The following MAGI1 variants were observed in gnomAD, a reference collection of about 807,000 sequenced individuals.
The protein encoded by MAGI1 is membrane-associated guanylate kinase, WW and PDZ domain-containing protein 1.
MAGI1 carries 58 observed loss-of-function variants against 139.9 expected under a neutral mutation model. The observed-to-expected ratio is 0.41, with a 90% confidence interval of 0.34 to 0.52. MAGI1 has a LOEUF of 0.52. Among genes scored for constraint, MAGI1 ranks in the 20% least tolerant of loss-of-function variants. The pLI is 0.12. For missense variants in MAGI1, 1,874 were observed against 1,901.6 expected (o/e 0.99, Z 0.27); for synonymous variants, 812 against 737.9 (o/e 1.10, Z -1.63).
At chr3:65,433,065 A>T (rs1337706907) in intron 10 of MAGI1, among the ~76,000 whole-genome samples, 1 of 152,078 alleles carries the variant, frequency 6.6e-6, no homozygotes, top group Non-Finnish European at 1.5e-5. Context: ...ATTGATATGC[A>T]GGTACATAAA....
At chr3:65,487,052 C>T (rs1951682396) in intron 3 of MAGI1, among the ~76,000 whole-genome samples, 1 of 152,156 alleles carries the variant, frequency 6.6e-6, no homozygotes, top group South Asian at 2.1e-4. Flanking sequence ...ACCACCATCA[C>T]CAACGTGGTT....
At chr3:65,630,869 A>G (rs1050190390) in intron 1 of MAGI1, among the ~76,000 whole-genome samples, 1 of 152,174 alleles carries the variant, frequency 6.6e-6, no homozygotes, top group African/African-American at 2.4e-5. Context: ...AATTTTTAAA[A>G]AGAGAGAGAG....
intron 2 of MAGI1, among the ~76,000 whole-genome samples, chr3:65,510,625 G>A (rs2077539142): frequency 1.8e-5 from 2 of 110,448 alleles, no homozygotes; most frequent in African/African-American, 3.5e-5. Flanking sequence ...AAAGAAATGA[G>A]CAAAGCCTCC....
At chr3:66,021,624 C>CCT in intron 1 of MAGI1, among the ~76,000 whole-genome samples, 1 of 152,234 alleles carries the variant, frequency 6.6e-6, no homozygotes, top group Middle Eastern at 3.4e-3. Flanking sequence ...AGCCAGAGCA[C>CCT]CTTTAAACAC....
At chr3:65,656,295 T>C (rs1018473483) in intron 1 of MAGI1, among the ~76,000 whole-genome samples, 5 of 152,316 alleles carry the variant, frequency 3.3e-5, no homozygotes, top group Admixed American at 2.0e-4. Context: ...CAGTTTACTG[T>C]CTCTTAAGCT....
chr3:65,855,122 G>A (rs899325755), intron 1 of MAGI1, among the ~76,000 whole-genome samples: 2 of 152,244 alleles, frequency 1.3e-5, no homozygotes, highest in African/African-American at 4.8e-5. Flanking sequence ...GGGGGCGGGG[G>A]TGAGTTTACA....
intron 2 of MAGI1, among the ~76,000 whole-genome samples, chr3:65,495,317 T>C (rs559704546): frequency 3.3e-5 from 5 of 152,318 alleles, no homozygotes; most frequent in South Asian, 4.1e-4. Context: ...ATAATCCTTT[T>C]TGAGGGCTTT....
At chr3:65,864,225 G>A (rs138881967) in intron 1 of MAGI1, among the ~76,000 whole-genome samples, 1,734 of 152,192 alleles carry the variant, frequency 0.011, 16 homozygotes, top group Middle Eastern at 0.041. Flanking sequence ...ATAGAGAAAC[G>A]TATAAATAAA....
intron 5 of MAGI1, among the ~76,000 whole-genome samples, chr3:65,463,498 G>C (rs887098193): frequency 6.6e-6 from 1 of 151,744 alleles, no homozygotes; most frequent in Non-Finnish European, 1.5e-5. Context: ...GCTGGATTCG[G>C]TTTGCCAGTA....
At chr3:65,894,215 T>C (rs1197785557) in intron 1 of MAGI1, among the ~76,000 whole-genome samples, 1 of 152,128 alleles carries the variant, frequency 6.6e-6, no homozygotes, top group Admixed American at 6.5e-5. Context: ...TAACAATCAA[T>C]AATATCATCC....
rs78767322 is a variant in MAGI1, at chr3:65,433,852, C to T, written c.1364-2971G>A. Among the ~76,000 whole-genome samples the T allele has an allele frequency of 1.9e-4, 29 of 152,130 alleles. No individual in the cohort carries two copies. The East Asian group carries it at 4.8e-3, about 25-fold the overall frequency. On this transcript the variant is annotated intron_variant, in intron 10 of 22. Transcript: ENST00000402939. ...GTGTTTAAATACCCTAGACCAGTAC[C>T]GTCTAATGGCACTTTCCGTGATGAT...
At chr3:65,359,087 GGTA>G (rs780111569) in intron 22 of MAGI1, 6 of 1,613,976 alleles carry the variant, frequency 3.7e-6, no homozygotes, top group Non-Finnish European at 4.2e-6. Flanking sequence ...TGGCCCATAA[GGTA>G]GAAGCAAGCC....
At chr3:65,899,389 T>C (rs1484220642) in intron 1 of MAGI1, among the ~76,000 whole-genome samples, 1 of 152,158 alleles carries the variant, frequency 6.6e-6, no homozygotes, top group African/African-American at 2.4e-5. Flanking sequence ...TAATAACATG[T>C]CCCATTATGA....
At chr3:65,648,316 T>TGTGTGTGTGC (rs71102873) in intron 1 of MAGI1, among the ~76,000 whole-genome samples, 1 of 143,038 alleles carries the variant, frequency 7.0e-6, no homozygotes, top group African/African-American at 2.6e-5. Context: ...TGTGTGTGTG[T>TGTGTGTGTGC]GCGCGTGCGC....
At chr3:66,021,975 A>G (rs941360125) in intron 1 of MAGI1, among the ~76,000 whole-genome samples, 3 of 152,230 alleles carry the variant, frequency 2.0e-5, no homozygotes, top group African/African-American at 4.8e-5. Context: ...TCAGGTGAAT[A>G]TAAGTGCCTG....
intron 10 of MAGI1, among the ~76,000 whole-genome samples, chr3:65,434,840 A>G (rs1256573839): frequency 6.6e-6 from 1 of 152,214 alleles, no homozygotes; most frequent in Non-Finnish European, 1.5e-5. Context: ...GGGTGGTAAG[A>G]ATAAACGAGT....
At chr3:65,737,564 G>C (rs1050785496) in intron 1 of MAGI1, among the ~76,000 whole-genome samples, 10 of 152,172 alleles carry the variant, frequency 6.6e-5, no homozygotes, top group African/African-American at 2.4e-4. Context: ...CAGGAAAGGA[G>C]AGAGCATTGT....
chr3:65,897,181 A>G (rs2061004830), intron 1 of MAGI1, among the ~76,000 whole-genome samples: 1 of 152,222 alleles, frequency 6.6e-6, no homozygotes, highest in Non-Finnish European at 1.5e-5. Context: ...TATATTTGAT[A>G]GGTGGAAAAA....
At chr3:65,377,737 A>G (rs569307056) in intron 17 of MAGI1, among the ~76,000 whole-genome samples, 1 of 152,358 alleles carries the variant, frequency 6.6e-6, no homozygotes, top group Non-Finnish European at 1.5e-5. Flanking sequence ...CAGGTCATCC[A>G]TCCATGACAT....
Sources: allele counts gnomAD v4.1 joint callset (sites outside exome capture counted in the v4.1 genomes callset), GRCh38; gene constraint gnomAD v4.1.1; transcripts MANE v1.5; gene names NCBI Gene and HGNC (gene_info 2026-07-23, HGNC 2026-07-21).